Variants in DNAH12 observed in about 807,000 individuals in gnomAD.
DNAH12 encodes axonemal beta dynein heavy chain 12.
In DNAH12, 285 loss-of-function variants were observed where a neutral mutation model predicts 371.5. The observed-to-expected ratio is 0.77, with a 90% CI of 0.70 to 0.85. DNAH12 has a LOEUF of 0.85. DNAH12 is among the 40% of genes least tolerant of loss of function. The pLI, the probability that DNAH12 is intolerant of heterozygous loss-of-function variation, is 0.00. For synonymous variants in DNAH12, 1,200 were observed against 1,213.0 expected (o/e 0.99, Z 0.22); for missense variants, 3,611 against 3,689.4 (o/e 0.98, Z 0.55).
At chr3:57,449,950 C>A (rs1462860316) in intron 25 of DNAH12, among the ~76,000 whole-genome samples, 3 of 152,166 alleles carry the variant, frequency 2.0e-5, no homozygotes, top group African/African-American at 7.2e-5. Flanking sequence ...TATATTCAAG[C>A]GTTTAATATG....
At chr3:57,471,337 TG>T in intron 15 of DNAH12, 134 bp downstream of exon 15, 1 of 555,184 alleles carries the variant, frequency 1.8e-6, no homozygotes, top group Non-Finnish European at 2.5e-6. Flanking sequence ...TATGTATATA[TG>T]TAATATATAG....
intron 29 of DNAH12, among the ~76,000 whole-genome samples, chr3:57,442,460 T>C (rs2065338751): frequency 6.6e-6 from 1 of 152,094 alleles, no homozygotes; most frequent in Admixed American, 6.6e-5. Context: ...AAATACTAAC[T>C]GTAAAGTTGT....
chr3:57,380,590 G>T (rs899859223), intron 50 of DNAH12, among the ~76,000 whole-genome samples: 1 of 152,000 alleles, frequency 6.6e-6, no homozygotes, highest in Admixed American at 6.6e-5. Flanking sequence ...TCAGCCTCCC[G>T]AGTAGCTGAG....
intron 43 of DNAH12, among the ~76,000 whole-genome samples, chr3:57,400,085 T>G (rs1178104107): frequency 6.6e-6 from 1 of 152,054 alleles, no homozygotes; most frequent in Non-Finnish European, 1.5e-5. Context: ...GCTTAGGGGT[T>G]CAAGACCAGA....
intron 62 of DNAH12, among the ~76,000 whole-genome samples, chr3:57,324,657 G>A (rs1004321401): frequency 1.3e-5 from 2 of 152,196 alleles, no homozygotes; most frequent in Non-Finnish European, 2.9e-5. Flanking sequence ...GAAGAGGGGT[G>A]ATTTCTGCAT....
Position 57,386,606 on chromosome 3 carries a change from A to G in DNAH12, c.7440-3T>C, listed in dbSNP as rs1487175401. ...GTCGTCCTAACTCATGCAAGAACCTAAAAGAGAGGCAGGTAACATAGCTCA... is the reference window on the plus strand; with the variant it reads ...GTCGTCCTAACTCATGCAAGAACCTGAAAGAGAGGCAGGTAACATAGCTCA... On this transcript the variant is annotated splice_polypyrimidine_tract_variant and splice_region_variant and intron_variant, in intron 46 of 73. Transcript: ENST00000495027. 1 of 152,226 alleles carries G rather than the reference A, an allele frequency of 6.6e-6. No individual in the cohort carries two copies. Among genetic ancestry groups the G allele is most frequent in the Non-Finnish European group, 1.5e-5 (1 of 68,040 alleles). 9.4% of individuals were successfully genotyped at this position (152,226 alleles called of 1,614,324 possible). A position where few individuals can be genotyped will look rare whatever the true frequency, so the allele number is the denominator to read the frequency against.
At chr3:57,546,286 C>T (rs776531910), upstream of DNAH12, among the ~76,000 whole-genome samples, 1 of 152,118 alleles carries the variant, frequency 6.6e-6, no homozygotes, top group Admixed American at 6.5e-5. Flanking sequence ...ATTAAACGTT[C>T]GTTCTAAACT....
intron 18 of DNAH12, among the ~76,000 whole-genome samples, chr3:57,462,144 C>T (rs1285115016): frequency 3.9e-5 from 6 of 152,186 alleles, no homozygotes; most frequent in East Asian, 1.9e-4. Flanking sequence ...CATCATCCAA[C>T]GACATTGGAA....
intron 13 of DNAH12, among the ~76,000 whole-genome samples, chr3:57,476,260 G>T (rs2066519412): frequency 6.6e-6 from 1 of 152,024 alleles, no homozygotes; most frequent in African/African-American, 2.4e-5. Flanking sequence ...AAACAAGGAA[G>T]TAATCACTAT....
chr3:57,397,137 T>A (rs941418408), intron 43 of DNAH12, among the ~76,000 whole-genome samples: 2 of 152,290 alleles, frequency 1.3e-5, no homozygotes, highest in African/African-American at 4.8e-5. Context: ...ATTTTACAAA[T>A]GAAAAATCTA....
At chr3:57,524,289 C>T (rs1260156122) in intron 2 of DNAH12, among the ~76,000 whole-genome samples, 1 of 152,160 alleles carries the variant, frequency 6.6e-6, no homozygotes, top group Non-Finnish European at 1.5e-5. Context: ...CTTCAAAGCA[C>T]TTACCATCGT....
At chr3:57,360,004 A>G (rs2062888574) in intron 58 of DNAH12, among the ~76,000 whole-genome samples, 1 of 152,194 alleles carries the variant, frequency 6.6e-6, no homozygotes, top group South Asian at 2.1e-4. Context: ...ATCATTTATT[A>G]TATTTTTCTC....
At chr3:57,408,824 T>C (rs1553682185) in intron 39 of DNAH12, among the ~76,000 whole-genome samples, 1 of 152,214 alleles carries the variant, frequency 6.6e-6, no homozygotes, top group Admixed American at 6.5e-5. Context: ...ATTTCTCCTT[T>C]CTTATTCCAA....
At chr3:57,308,370 G>A (rs1035029544) in intron 69 of DNAH12, among the ~76,000 whole-genome samples, 72 of 152,104 alleles carry the variant, frequency 4.7e-4, no homozygotes, top group African/African-American at 1.6e-3. Flanking sequence ...AACACACCTC[G>A]CCAAGCTCAG....
upstream of DNAH12, among the ~76,000 whole-genome samples, chr3:57,544,996 T>C (rs1344061149): frequency 6.6e-6 from 1 of 151,930 alleles, no homozygotes; most frequent in East Asian, 1.9e-4. Context: ...CGTAATTTTT[T>C]TTTTTTTTTT....
chr3:57,326,035 G>A (rs1156677780), intron 62 of DNAH12, among the ~76,000 whole-genome samples: 1 of 152,100 alleles, frequency 6.6e-6, no homozygotes, highest in South Asian at 2.1e-4. Flanking sequence ...AACGAACAAA[G>A]CCTCCAAGAA....
chr3:57,530,553 T>A lies in DNAH12; in HGVS notation c.171-6669A>T, dbSNP rs2068805062. The A allele has an allele frequency of 4.2e-5, 29 of 693,050 alleles. No homozygotes were observed. In the South Asian group the frequency reaches 4.4e-4, roughly 11 times the overall value. The allele number at this position is 693,050 out of a possible 1,614,324, so 42.9% of individuals were successfully genotyped here. A position where few individuals can be genotyped will look rare whatever the true frequency, so the allele number is the denominator to read the frequency against. The stretch of plus-strand genomic sequence containing the variant: ...TTTCTTCTAAATTTTTTTAGATTGT[T>A]TTTTGTTTAAAATCTCTTCCTCCTC... On this transcript the variant is annotated intron_variant, in intron 2 of 73. Coordinates refer to ENST00000495027, the MANE Select transcript of DNAH12 (RefSeq NM_001366028.2).
intron 39 of DNAH12, among the ~76,000 whole-genome samples, chr3:57,411,733 A>T (rs782553573): frequency 6.6e-6 from 1 of 152,128 alleles, no homozygotes; most frequent in Non-Finnish European, 1.5e-5. Context: ...GGAAAACAAT[A>T]TTATGAAGAT....
chr3:57,466,543 T>C (rs2066208234), intron 17 of DNAH12, among the ~76,000 whole-genome samples: 1 of 152,192 alleles, frequency 6.6e-6, no homozygotes, highest in South Asian at 2.1e-4. Flanking sequence ...GATGTATTAC[T>C]GACTGTCAAA....
Sources: allele counts gnomAD v4.1 joint callset (sites outside exome capture counted in the v4.1 genomes callset), GRCh38; gene constraint gnomAD v4.1.1; transcripts MANE v1.5; gene names NCBI Gene and HGNC (gene_info 2026-07-23, HGNC 2026-07-21).